The following RHOT1 variants were observed in gnomAD, a reference collection of about 807,000 sequenced individuals.
RHOT1 encodes mitochondrial Rho GTPase 1.
In RHOT1, 27 loss-of-function variants were observed where a neutral mutation model predicts 95.3. The observed-to-expected ratio is 0.28, with a 90% CI of 0.21 to 0.39. RHOT1 has a LOEUF of 0.39. Ranked by LOEUF, RHOT1 falls within the 10% of genes least tolerant of loss-of-function variation. The probability of loss-of-function intolerance (pLI) is 1.00; values close to 1 mark genes in which losing one functional copy is unlikely to be tolerated. For missense variants in RHOT1, 578 were observed against 786.7 expected (o/e 0.73, Z 3.17); for synonymous variants, 227 against 263.5 (o/e 0.86, Z 1.34).
intron 6 of RHOT1, chr17:32,179,213 C>G: frequency 6.9e-6 from 1 of 144,428 alleles, no homozygotes; most frequent in South Asian, 2.3e-4. Context: ...GCACCTCTAC[C>G]TGGCCGCCCC....
Position 32,208,132 on chromosome 17 carries a change from C to G in RHOT1, c.1562C>G (p.Pro521Arg). The change falls in exon 18 of 20, where the codon CCT (proline) becomes CGT (arginine). Residue 521 changes from proline to arginine, a missense_variant. By Grantham distance (103) the Pro-to-Arg change is moderately radical. Around this residue, in one of 4 missense-constraint regions of RHOT1, gnomAD observed 296 missense variants for 338.5 expected, o/e 0.87. Transcript: ENST00000545287. ...CAACACTTTATGGACAGCAGAATAC[C>G]TTGCTTAATCGTAGCTGCAAAGTCA... ...FKQHFMDSRIPCLIVAAKSDL... is the reference protein window; with the variant it reads ...FKQHFMDSRIRCLIVAAKSDL... 6.2e-7 allele frequency: 1 copy of G among 1,613,954 alleles called. No individual in the cohort carries two copies. The highest frequency in any genetic ancestry group is 1.3e-5 in the African/African-American group (1 of 75,008).
intron 8 of RHOT1, among the ~76,000 whole-genome samples, chr17:32,186,728 C>T (rs1018639818): frequency 6.6e-6 from 1 of 152,262 alleles, no homozygotes; most frequent in Non-Finnish European, 1.5e-5. Flanking sequence ...GTGGCATGAT[C>T]ATGGCTCACT....
chr17:32,167,111 C>T (rs186570488), intron 1 of RHOT1, among the ~76,000 whole-genome samples: 1,541 of 152,114 alleles, frequency 0.01, 31 homozygotes, highest in African/African-American at 0.035. Flanking sequence ...TTAGCAGGCA[C>T]GAAAATAATC....
intron 15 of RHOT1, among the ~76,000 whole-genome samples, chr17:32,203,269 C>CTTTTT (rs940216011): frequency 7.6e-4 from 55 of 72,332 alleles, no homozygotes; most frequent in Non-Finnish European, 1.1e-3. Flanking sequence ...TCTTCTTCTT[C>CTTTTT]TTTTTTTTTT....
chr17:32,187,412 C>T (rs901576212), intron 8 of RHOT1, among the ~76,000 whole-genome samples: 4 of 151,618 alleles, frequency 2.6e-5, no homozygotes, highest in African/African-American at 9.7e-5. Context: ...ACCACCACAC[C>T]CAGCTTGAGG....
intron 18 of RHOT1, among the ~76,000 whole-genome samples, chr17:32,210,355 A>T (rs115822142): frequency 0.033 from 4,970 of 152,258 alleles, 270 homozygotes; most frequent in African/African-American, 0.11. Context: ...TGCACCAACT[A>T]GTGCAACTCT....
At chr17:32,175,240 G>A in intron 3 of RHOT1, 79 bp from the exon 4 acceptor site, 1 of 1,191,796 alleles carries the variant, frequency 8.4e-7, no homozygotes. Context: ...TTAGATGAGT[G>A]TTGCATAGAA....
rs573074647 is a variant in RHOT1 at position 32,176,537 on chromosome 17, C to T, written c.329+324C>T. 6.1e-5 allele frequency among the ~76,000 whole-genome samples: 9 copies of T among 147,620 alleles called. No homozygotes were observed. The East Asian group carries it at 1.4e-3, about 22-fold the overall frequency. ...TTCCTCAAACTGCTGCTTGAAAAGT[C>T]TCAGTTTTATTTATTTATTTATTTA... On this transcript the variant is annotated intron_variant, in intron 6 of 19. Transcript: ENST00000545287.
chr17:32,213,326 A>G (rs2038256042), intron 19 of RHOT1, among the ~76,000 whole-genome samples: 1 of 152,148 alleles, frequency 6.6e-6, no homozygotes, highest in African/African-American at 2.4e-5. Context: ...TGTTATTTGC[A>G]GATTTGGTAG....
At chr17:32,222,071 A>G (rs1325327173) in intron 19 of RHOT1, among the ~76,000 whole-genome samples, 1 of 152,144 alleles carries the variant, frequency 6.6e-6, no homozygotes, top group African/African-American at 2.4e-5. Context: ...TTTTCCTCCT[A>G]AGTTAAAAAA....
At chr17:32,156,063 A>C (rs1377623739) in intron 1 of RHOT1, among the ~76,000 whole-genome samples, 2 of 152,200 alleles carry the variant, frequency 1.3e-5, no homozygotes, top group African/African-American at 4.8e-5. Flanking sequence ...TTATTTAAGG[A>C]AAAAGGGTTA....
chr17:32,175,494 C>T, intron 4 of RHOT1, 132 bp downstream of exon 4: 1 of 891,126 alleles, frequency 1.1e-6, no homozygotes, highest in Non-Finnish European at 1.8e-6. Flanking sequence ...CTCTGTCACC[C>T]ACTCTGTCAC....
chr17:32,175,282 T>A, intron 3 of RHOT1, 37 bp from the exon 4 acceptor site: 1 of 1,586,842 alleles, frequency 6.3e-7, no homozygotes, highest in Non-Finnish European at 8.7e-7. Flanking sequence ...TATGAAAGTG[T>A]CTGCAATATG....
chr17:32,202,919 T>C lies in RHOT1; in HGVS notation c.1332+19T>C. 1 of 1,602,724 alleles carries C rather than the reference T, an allele frequency of 6.2e-7. No individual in the cohort carries two copies. Among genetic ancestry groups the C allele is most frequent in the Non-Finnish European group, 8.5e-7 (1 of 1,177,150 alleles). On this transcript the variant is annotated intron_variant, in intron 15 of 19. Coordinates refer to ENST00000545287, the MANE Select transcript of RHOT1 (RefSeq NM_001033566.3). ...CTTAATGGTGAGAGTTCTCGTAAAA[T>C]ACAATTTTATCCAACAAATTTTTAT... is the stretch of plus-strand genomic sequence containing the variant.
Position 32,201,117 on chromosome 17 carries a change from A to G in RHOT1, c.1201+61A>G, listed in dbSNP as rs9903284. ...GATATTTTTTAAGACTCCATTTTCA[A>G]ATGTAACAAAGAGTAAGAATACACT... On this transcript the variant is annotated intron_variant, in intron 14 of 19. Coordinates refer to ENST00000545287, the MANE Select transcript of RHOT1 (RefSeq NM_001033566.3). 41 of 989,970 alleles carry G rather than the reference A, an allele frequency of 4.1e-5. No individual in the cohort carries two copies. The African/African-American group carries it at 6.1e-4, about 15-fold the overall frequency. 61.3% of individuals were successfully genotyped at this position (989,970 alleles called of 1,614,324 possible).
intron 14 of RHOT1, among the ~76,000 whole-genome samples, chr17:32,201,656 G>T (rs1364380202): frequency 6.6e-6 from 1 of 152,170 alleles, no homozygotes; most frequent in Non-Finnish European, 1.5e-5. Context: ...CAGAGAATAA[G>T]AAAACAGTCA....
intron 18 of RHOT1, among the ~76,000 whole-genome samples, 171 bp from the exon 19 acceptor site, chr17:32,210,945 T>G (rs1473492714): frequency 6.6e-6 from 1 of 152,170 alleles, no homozygotes; most frequent in Non-Finnish European, 1.5e-5. Context: ...TTATTATGTT[T>G]TTGGTAAATG....
At position 32,162,247 on chromosome 17, in the gene RHOT1, G is replaced by A. The variant is rs539026790; in HGVS notation, c.38-8796G>A. ...CCTCCCCACGTGAGTCACCTCATTA[G>A]GATGAACTCTGTGGTTGAAAGGGAC... On this transcript the variant is annotated intron_variant, in intron 1 of 19. Transcript: ENST00000545287. Among the ~76,000 whole-genome samples, 3 of 152,192 alleles carry A rather than the reference G, an allele frequency of 2.0e-5. No homozygotes were observed. In the South Asian group the frequency reaches 6.2e-4, roughly 32 times the overall value.
chr17:32,152,150 T>C (rs72825786), intron 1 of RHOT1, among the ~76,000 whole-genome samples: 2,340 of 152,318 alleles, frequency 0.015, 24 homozygotes, highest in Non-Finnish European at 0.023. Flanking sequence ...CACTGTGTTG[T>C]GTGTCTGTAT....
Sources: allele counts gnomAD v4.1 joint callset (sites outside exome capture counted in the v4.1 genomes callset), GRCh38; gene constraint gnomAD v4.1.1; regional missense constraint gnomAD v4.1.1; transcripts MANE v1.5; gene names NCBI Gene and HGNC (gene_info 2026-07-23, HGNC 2026-07-21).